SLC24A2: variants seen among roughly 807,000 people sequenced by gnomAD.
SLC24A2 encodes the protein sodium/potassium/calcium exchanger 2.
SLC24A2 carries 36 observed loss-of-function variants against 62.0 expected under a neutral mutation model. The ratio of observed to expected loss-of-function variants is 0.58; its 90% CI spans 0.44 to 0.77. The LOEUF is 0.77. Among genes scored for constraint, SLC24A2 ranks in the 30% least tolerant of loss-of-function variants. The pLI is 0.00. For synonymous variants in SLC24A2, 358 were observed against 294.0 expected (o/e 1.22, Z -2.23); for missense variants, 846 against 817.9 (o/e 1.03, Z -0.42).
intron 2 of SLC24A2, among the ~76,000 whole-genome samples, chr9:19,719,180 A>T (rs927435576): frequency 2.0e-5 from 3 of 152,152 alleles, no homozygotes; most frequent in Non-Finnish European, 4.4e-5. Context: ...CCTGGTGCTC[A>T]TAGTCACAAG....
chr9:20,200,846 TA>T, the SLC24A2 span, among the ~76,000 whole-genome samples: 258 of 152,304 alleles, frequency 1.7e-3, 3 homozygotes, highest in East Asian at 0.041. Context: ...TTTTGGACCG[TA>T]GTGTTATGGT....
chr9:19,523,098 C>T (rs1368148340), intron 9 of SLC24A2, among the ~76,000 whole-genome samples: 2 of 152,218 alleles, frequency 1.3e-5, no homozygotes, highest in Non-Finnish European at 1.5e-5. Flanking sequence ...ACGAGGATCA[C>T]TTGAGCCTGG....
the SLC24A2 span, among the ~76,000 whole-genome samples, chr9:19,987,885 A>G: frequency 1.3e-5 from 2 of 152,186 alleles, no homozygotes; most frequent in Admixed American, 6.5e-5. Context: ...AGCGACACCC[A>G]TCTCTAAATT....
intron 2 of SLC24A2, among the ~76,000 whole-genome samples, chr9:19,622,690 TGTTTC>T (rs1399648545): frequency 6.6e-6 from 1 of 152,218 alleles, no homozygotes; most frequent in Non-Finnish European, 1.5e-5. Flanking sequence ...AAATATTTAT[TGTTTC>T]ATTTCATAAA....
intron 2 of SLC24A2, among the ~76,000 whole-genome samples, chr9:19,699,976 T>G (rs1319902002): frequency 1.3e-5 from 2 of 152,312 alleles, no homozygotes; most frequent in Middle Eastern, 3.4e-3. Flanking sequence ...TTTTGCTGCT[T>G]ACTGGCTGTG....
At chr9:19,969,870 C>T in the SLC24A2 span, among the ~76,000 whole-genome samples, 1 of 152,152 alleles carries the variant, frequency 6.6e-6, no homozygotes, top group African/African-American at 2.4e-5. Flanking sequence ...GAAGACTGGT[C>T]CCAATAGGAG....
the SLC24A2 span, chr9:19,895,917 C>T: frequency 2.5e-6 from 4 of 1,613,492 alleles, no homozygotes; most frequent in Non-Finnish European, 3.4e-6. Flanking sequence ...ATTCTAACAT[C>T]CTCCTCATCA....
chr9:19,947,448 G>A, the SLC24A2 span, among the ~76,000 whole-genome samples: 1 of 149,994 alleles, frequency 6.7e-6, no homozygotes, highest in Non-Finnish European at 1.5e-5. Flanking sequence ...GGAAGGAAGG[G>A]AAAGAAAGAA....
the SLC24A2 span, among the ~76,000 whole-genome samples, chr9:20,305,851 A>G: frequency 2.6e-5 from 4 of 152,150 alleles, no homozygotes; most frequent in African/African-American, 9.7e-5. Context: ...TCACAGTCCC[A>G]GAGGCTGGAA....
At chr9:19,841,178 A>G in the SLC24A2 span, among the ~76,000 whole-genome samples, 1 of 152,218 alleles carries the variant, frequency 6.6e-6, no homozygotes, top group Non-Finnish European at 1.5e-5. Context: ...TGAACAAAAA[A>G]GCATCTCTGT....
intron 2 of SLC24A2, among the ~76,000 whole-genome samples, chr9:19,717,861 C>G (rs192827151): frequency 6.6e-6 from 1 of 151,572 alleles, no homozygotes. Context: ...AGTGACCCCA[C>G]TAAATGAAAA....
chr9:19,528,846 T>C (rs147186067), intron 8 of SLC24A2, among the ~76,000 whole-genome samples: 1 of 152,318 alleles, frequency 6.6e-6, no homozygotes, highest in Non-Finnish European at 1.5e-5. Context: ...ATGTTTTCTC[T>C]CCTGTTCACC....
At chr9:19,788,765 C>A (rs1034409790) in intron 1 of SLC24A2, 120 bp downstream of exon 1, 2 of 985,376 alleles carry the variant, frequency 2.0e-6, no homozygotes, top group African/African-American at 1.7e-5. Flanking sequence ...GGGGCGCCCA[C>A]ATCCACGGCA....
the SLC24A2 span, among the ~76,000 whole-genome samples, chr9:19,865,501 A>G: frequency 5.3e-4 from 81 of 152,294 alleles, no homozygotes; most frequent in Middle Eastern, 3.4e-3. Context: ...TGGCATAAAA[A>G]CAGACACACA....
rs938869624 is a variant in SLC24A2 at position 19,742,345 on chromosome 9, G to T, written c.930+43592C>A. ...CAGTAAATGACAATGAATTCATCTG[G>T]ATTAGACTATTTCATATTAGCAGTC... On this transcript the variant is annotated intron_variant, in intron 2 of 10. Transcript: ENST00000341998. Among the ~76,000 whole-genome samples, 4 of 152,196 alleles carry T rather than the reference G, an allele frequency of 2.6e-5. No individual in the cohort carries two copies. The East Asian group carries it at 5.8e-4, about 22-fold the overall frequency.
intron 2 of SLC24A2, among the ~76,000 whole-genome samples, chr9:19,655,037 G>A (rs1488672448): frequency 1.3e-5 from 2 of 152,142 alleles, no homozygotes; most frequent in African/African-American, 4.8e-5. Flanking sequence ...TTAGTTTCTT[G>A]TAGACAGATA....
At chr9:20,257,932 G>C in the SLC24A2 span, among the ~76,000 whole-genome samples, 1 of 152,134 alleles carries the variant, frequency 6.6e-6, no homozygotes, top group Non-Finnish European at 1.5e-5. Flanking sequence ...TGTGTAAACA[G>C]CTAAGAAAAG....
the SLC24A2 span, among the ~76,000 whole-genome samples, chr9:20,291,857 G>T: frequency 6.6e-6 from 1 of 152,098 alleles, no homozygotes; most frequent in Non-Finnish European, 1.5e-5. Context: ...AATGCACCTA[G>T]GAAAATCACC....
chr9:20,096,728 T>C, the SLC24A2 span, among the ~76,000 whole-genome samples: 1 of 148,884 alleles, frequency 6.7e-6, no homozygotes, highest in Non-Finnish European at 1.5e-5. Context: ...GTTTTATTTC[T>C]TTGGCTTGGA....
Sources: allele counts gnomAD v4.1 joint callset (sites outside exome capture counted in the v4.1 genomes callset), GRCh38; gene constraint gnomAD v4.1.1; transcripts MANE v1.5; gene names NCBI Gene and HGNC (gene_info 2026-07-23, HGNC 2026-07-21).